The following RASEF variants were observed in gnomAD, a reference collection of about 807,000 sequenced individuals.
RASEF encodes the protein RAS and EF-hand domain containing.
RASEF carries 68 observed loss-of-function variants against 90.1 expected under a neutral mutation model. The ratio of observed to expected loss-of-function variants is 0.75; its 90% CI spans 0.62 to 0.92. The LOEUF (loss-of-function observed/expected upper bound fraction) is 0.92, where lower values mean the gene tolerates loss of function less well. RASEF is among the 40% of genes least tolerant of loss of function. The probability of loss-of-function intolerance (pLI) is 0.00; values close to 1 mark genes in which losing one functional copy is unlikely to be tolerated. For missense variants in RASEF, 949 were observed against 937.2 expected (o/e 1.01, Z -0.16); for synonymous variants, 331 against 345.2 (o/e 0.96, Z 0.46).
At chr9:83,115,790 C>T in the RASEF span, among the ~76,000 whole-genome samples, 1 of 151,662 alleles carries the variant, frequency 6.6e-6, no homozygotes, top group Non-Finnish European at 1.5e-5. Context: ...TTGGAAATAA[C>T]TAAATGTTCA....
chr9:83,037,342 C>T (rs1344915287), intron 1 of RASEF, among the ~76,000 whole-genome samples: 1 of 151,958 alleles, frequency 6.6e-6, no homozygotes, highest in Non-Finnish European at 1.5e-5. Flanking sequence ...GCATCAATTC[C>T]AGCACTGGTT....
chr9:83,035,512 T>C (rs1204527819), intron 1 of RASEF, among the ~76,000 whole-genome samples: 1 of 152,202 alleles, frequency 6.6e-6, no homozygotes, highest in Non-Finnish European at 1.5e-5. Context: ...TATACAGAAG[T>C]TCATTCTGTT....
the RASEF span, among the ~76,000 whole-genome samples, chr9:83,169,590 GTTTGTTTTGTTT>G: frequency 5.6e-3 from 844 of 151,422 alleles, 7 homozygotes; most frequent in African/African-American, 0.02. Flanking sequence ...TTGTTTGTTT[GTTTGTTTTGTTT>G]TTTGTTTTGT....
At chr9:83,033,017 GAAA>G (rs1477734818) in intron 1 of RASEF, among the ~76,000 whole-genome samples, 1 of 152,158 alleles carries the variant, frequency 6.6e-6, no homozygotes, top group Non-Finnish European at 1.5e-5. Flanking sequence ...GGGTGCTTAG[GAAA>G]ACTGGCCTTT....
chr9:83,087,405 T>TTCTCTCTC, the RASEF span, among the ~76,000 whole-genome samples: 11,041 of 115,402 alleles, frequency 0.096, 1,073 homozygotes, highest in African/African-American at 0.21. Flanking sequence ...TTCTCATTCA[T>TTCTCTCTC]TCTCTCTCTC....
chr9:83,106,855 C>G, the RASEF span, among the ~76,000 whole-genome samples: 7 of 152,150 alleles, frequency 4.6e-5, no homozygotes, highest in Non-Finnish European at 1.0e-4. Flanking sequence ...TTTTCATTCT[C>G]TTCCTGCTTA....
the RASEF span, among the ~76,000 whole-genome samples, chr9:83,214,366 C>G: frequency 2.0e-5 from 3 of 152,086 alleles, no homozygotes; most frequent in East Asian, 5.8e-4. Context: ...GCCTGGGCAA[C>G]AGAGCAAGAC....
the RASEF span, among the ~76,000 whole-genome samples, chr9:83,158,879 C>T: frequency 6.6e-6 from 1 of 151,446 alleles, no homozygotes; most frequent in African/African-American, 2.4e-5. Context: ...CAAAGTTATG[C>T]TTGAAGCTGA....
the RASEF span, among the ~76,000 whole-genome samples, chr9:83,091,536 C>T: frequency 1.3e-5 from 2 of 152,102 alleles, no homozygotes; most frequent in Non-Finnish European, 2.9e-5. Flanking sequence ...GTCTGGATGA[C>T]AGAGGGAGAC....
In RASEF at chr9:82,982,410, C is replaced by G. The variant is rs1828623216; in HGVS notation, c.*267G>C. 2 of 224,732 alleles carry G rather than the reference C, an allele frequency of 8.9e-6. No homozygotes were observed. The highest frequency in any genetic ancestry group is 1.1e-4 in the South Asian group (1 of 8,792). 13.9% of individuals were successfully genotyped at this position (224,732 alleles called of 1,614,324 possible). The stretch of plus-strand genomic sequence containing the variant: ...ATTTCTTTTCTTTTCTTTTTTTTTA[C>G]CATTTTAAAAACATTTACATGTTAT... On this transcript the variant is annotated 3_prime_UTR_variant, in exon 17 of 17. Coordinates refer to ENST00000376447, the MANE Select transcript of RASEF (RefSeq NM_152573.4).
the RASEF span, among the ~76,000 whole-genome samples, chr9:83,199,081 A>C: frequency 6.6e-6 from 1 of 152,200 alleles, no homozygotes; most frequent in East Asian, 1.9e-4. Context: ...ACCTTCCACA[A>C]GAGAAAAAAG....
At chr9:83,190,010 C>T in the RASEF span, among the ~76,000 whole-genome samples, 1 of 152,190 alleles carries the variant, frequency 6.6e-6, no homozygotes, top group Non-Finnish European at 1.5e-5. Context: ...TAAGCTGCCC[C>T]AAATGTTCTG....
chr9:83,083,170 G>A, the RASEF span, among the ~76,000 whole-genome samples: 1 of 151,972 alleles, frequency 6.6e-6, no homozygotes, highest in Non-Finnish European at 1.5e-5. Flanking sequence ...TTACAATTCT[G>A]CCCCAGAGCA....
the RASEF span, among the ~76,000 whole-genome samples, chr9:83,166,634 C>A: frequency 6.6e-6 from 1 of 152,154 alleles, no homozygotes. Context: ...TATATAGCAA[C>A]TGTGCAGCTC....
chr9:83,109,194 C>A, the RASEF span, among the ~76,000 whole-genome samples: 2 of 152,294 alleles, frequency 1.3e-5, no homozygotes, highest in East Asian at 1.9e-4. Flanking sequence ...ATCTATTTAG[C>A]CCCCGTGGTG....
At chr9:83,131,651 T>C in the RASEF span, among the ~76,000 whole-genome samples, 1 of 152,178 alleles carries the variant, frequency 6.6e-6, no homozygotes, top group African/African-American at 2.4e-5. Flanking sequence ...CTTAAATCTC[T>C]TCCAGTCTAG....
the RASEF span, among the ~76,000 whole-genome samples, chr9:83,173,175 G>A: frequency 6.6e-6 from 1 of 151,678 alleles, no homozygotes; most frequent in Non-Finnish European, 1.5e-5. Flanking sequence ...TTAGAGTCCT[G>A]CCATTTTCCT....
At chr9:82,985,272 C>T (rs1828690149) in intron 16 of RASEF, among the ~76,000 whole-genome samples, 1 of 152,146 alleles carries the variant, frequency 6.6e-6, no homozygotes, top group African/African-American at 2.4e-5. Flanking sequence ...GCAAAAGACA[C>T]TTCTTACATG....
chr9:83,083,360 C>A, the RASEF span, among the ~76,000 whole-genome samples: 2 of 152,060 alleles, frequency 1.3e-5, no homozygotes, highest in African/African-American at 2.4e-5. Flanking sequence ...CATTTTGAAA[C>A]GCATATATTT....
Sources: gnomAD v4.1 joint callset for allele counts (sites outside exome capture counted in the v4.1 genomes callset) on GRCh38, gnomAD v4.1.1 for gene constraint, MANE v1.5 for transcripts, NCBI Gene and HGNC (gene_info 2026-07-23, HGNC 2026-07-21) for gene names.